SLC9C1: variants seen among roughly 807,000 people sequenced by gnomAD.
SLC9C1 encodes solute carrier family 9 member C1, also known as sodium/hydrogen exchanger 10.
SLC9C1 carries 97 observed loss-of-function variants against 140.9 expected under a neutral mutation model. The ratio of observed to expected loss-of-function variants is 0.69; its 90% CI spans 0.58 to 0.82. The LOEUF (loss-of-function observed/expected upper bound fraction) is 0.82. SLC9C1 is among the 40% of genes least tolerant of loss of function. The pLI is 0.00. For missense variants in SLC9C1, 1,340 were observed against 1,389.3 expected, an observed-to-expected ratio of 0.96 and a Z score of 0.56; for synonymous variants, 440 against 442.6, an observed-to-expected ratio of 0.99 and a Z score of 0.07.
At chr3:112,158,651 G>C (rs2075195932) in intron 26 of SLC9C1, among the ~76,000 whole-genome samples, 1 of 151,768 alleles carries the variant, frequency 6.6e-6, no homozygotes, top group Admixed American at 6.6e-5. Context: ...TTAGATCCTG[G>C]GTTTTCTTTA....
chr3:112,179,658 T>A lies in SLC9C1; in HGVS notation c.2792A>T (p.Glu931Val). The A allele has an allele frequency of 2.5e-6, 4 of 1,611,526 alleles. No individual in the cohort carries two copies. The highest frequency in any genetic ancestry group is 3.4e-6 in the Non-Finnish European group (4 of 1,179,062). The change falls in exon 23 of 29, where the codon GAG becomes GTG. Residue 931 changes from glutamate to valine, a missense_variant. Glu to Val is a moderately radical substitution (Grantham distance 121). Coordinates refer to ENST00000305815, the MANE Select transcript of SLC9C1 (RefSeq NM_183061.3). ...TATCGGAAAATCTTTCTCCTTTGACTCCACCATTTGATCAATCCCTAAACC... is the reference window on the plus strand; with the variant it reads ...TATCGGAAAATCTTTCTCCTTTGACACCACCATTTGATCAATCCCTAAACC... ...KPGLGIDQMV[E>V]SKEKDFPIID...
At chr3:112,200,964 C>T (rs1210636340) in intron 18 of SLC9C1, among the ~76,000 whole-genome samples, 1 of 151,964 alleles carries the variant, frequency 6.6e-6, no homozygotes, top group East Asian at 1.9e-4. Context: ...AGAGGTATAA[C>T]CTAGCCCAAT....
chr3:112,236,285 A>T (rs1238112536), intron 12 of SLC9C1, among the ~76,000 whole-genome samples: 1 of 152,096 alleles, frequency 6.6e-6, no homozygotes, highest in Non-Finnish European at 1.5e-5. Context: ...CTCTGATGGT[A>T]GTTTGTATTT....
At chr3:112,167,569 C>G (rs543067347) in intron 25 of SLC9C1, among the ~76,000 whole-genome samples, 1 of 151,856 alleles carries the variant, frequency 6.6e-6, no homozygotes, top group Non-Finnish European at 1.5e-5. Context: ...TATTTCTATT[C>G]CATATGAAAA....
chr3:112,183,349 C>CTTT lies in SLC9C1; in HGVS notation c.2524-1094_2524-1092dup, dbSNP rs200437815. Among the ~76,000 whole-genome samples, 660 of 95,274 alleles carry CTTT rather than the reference C, an allele frequency of 6.9e-3. 65 individuals are homozygous for CTTT. The highest frequency in any genetic ancestry group is 9.1e-3 in the Non-Finnish European group (460 of 50,656). The allele number at this position is 95,274 out of a possible 152,430, so 62.5% of individuals were successfully genotyped here. ...ACGACAATGATATTTAGCACCTTTT[C>CTTT]TTTTTTTTTTTTTTTTTTTTTCAGC... On this transcript the variant is annotated intron_variant, in intron 20 of 28. Coordinates refer to ENST00000305815, the MANE Select transcript of SLC9C1 (RefSeq NM_183061.3).
intron 10 of SLC9C1, 132 bp from the exon 11 acceptor site, chr3:112,244,208 G>A (rs1413871396): frequency 4.6e-6 from 2 of 437,838 alleles, no homozygotes; most frequent in Non-Finnish European, 8.0e-6. Context: ...AGATGCTCAT[G>A]GCAGGGGAGG....
intron 28 of SLC9C1, 68 bp from the exon 29 acceptor site, chr3:112,141,349 C>A (rs1462626494): frequency 2.6e-6 from 4 of 1,509,542 alleles, no homozygotes; most frequent in African/African-American, 2.9e-5. Flanking sequence ...TGACTTACAA[C>A]CCAGAATAGG....
At chr3:112,239,577 C>A (rs1359182641) in intron 12 of SLC9C1, among the ~76,000 whole-genome samples, 2 of 152,160 alleles carry the variant, frequency 1.3e-5, no homozygotes, top group Non-Finnish European at 1.5e-5. Context: ...GGAGCTGTTC[C>A]TATTTGGCCA....
At chr3:112,200,446 AC>A (rs1324019560) in intron 19 of SLC9C1, among the ~76,000 whole-genome samples, 1 of 152,162 alleles carries the variant, frequency 6.6e-6, no homozygotes, top group African/African-American at 2.4e-5. Context: ...ATAATGACAT[AC>A]ATAATCATAG....
chr3:112,271,393 G>GTGTATATATATATATATA (rs142798462), intron 6 of SLC9C1, among the ~76,000 whole-genome samples: 10 of 125,574 alleles, frequency 8.0e-5, no homozygotes, highest in East Asian at 2.6e-4. Context: ...ATTCTACATT[G>GTGTATATATATATATATA]TATATATATA....
At chr3:112,278,881 C>A in intron 3 of SLC9C1, 24 bp from the exon 4 acceptor site, 1 of 1,566,206 alleles carries the variant, frequency 6.4e-7, no homozygotes, top group Admixed American at 1.9e-5. Flanking sequence ...AATATATCAT[C>A]TTCTCATTTA....
chr3:112,195,075 C>T (rs77919226), intron 20 of SLC9C1, among the ~76,000 whole-genome samples: 2,144 of 152,096 alleles, frequency 0.014, 54 homozygotes, highest in African/African-American at 0.047. Flanking sequence ...TTCTTTGGGT[C>T]GTTTTACTCT....
In SLC9C1 at chr3:112,262,947, C is replaced by A; in HGVS notation, c.1174G>T (p.Gly392Ter). ...LLLAYSDLYF[G>*]SDKEKSQILF... ...ACTTGAGATTTTTCTTTGTCAGATCCAAAATAAAGATCAGAGTAGGCAAGC... is the reference window on the plus strand; with the variant it reads ...ACTTGAGATTTTTCTTTGTCAGATCAAAAATAAAGATCAGAGTAGGCAAGC... The change falls in exon 10 of 29, where the codon GGA (glycine) becomes TGA (stop). Residue 392 changes from glycine (G) to a stop codon, truncating the protein, a stop_gained. Coordinates refer to ENST00000305815, the MANE Select transcript of SLC9C1 (RefSeq NM_183061.3). LOFTEE classifies it high-confidence loss of function. 2 of 1,575,202 alleles carry A rather than the reference C, an allele frequency of 1.3e-6. No homozygotes were observed. The highest frequency in any genetic ancestry group is 1.7e-6 in the Non-Finnish European group (2 of 1,166,882).
At chr3:112,221,279 A>G (rs1277645044) in intron 13 of SLC9C1, 54 bp from the exon 14 acceptor site, 1 of 1,448,522 alleles carries the variant, frequency 6.9e-7, no homozygotes, top group African/African-American at 1.4e-5. Context: ...ATGACAACTT[A>G]TTACAATCTT....
At chr3:112,256,862 A>G (rs755625472) in intron 10 of SLC9C1, among the ~76,000 whole-genome samples, 14 of 152,100 alleles carry the variant, frequency 9.2e-5, no homozygotes, top group Non-Finnish European at 1.3e-4. Flanking sequence ...CTTCAGCAAA[A>G]TTTCAGGATA....
intron 26 of SLC9C1, among the ~76,000 whole-genome samples, chr3:112,157,054 T>C (rs1473036237): frequency 2.6e-5 from 4 of 152,158 alleles, no homozygotes; most frequent in African/African-American, 4.8e-5. Flanking sequence ...ATTTTGGCTT[T>C]GGTTGTCTGT....
At chr3:112,153,618 G>A (rs944333970) in intron 27 of SLC9C1, among the ~76,000 whole-genome samples, 8 of 152,168 alleles carry the variant, frequency 5.3e-5, no homozygotes, top group African/African-American at 1.4e-4. Context: ...AACTGTGTAG[G>A]AATTGCTGGT....
chr3:112,169,474 C>T (rs1387378776), intron 23 of SLC9C1, 146 bp from the exon 24 acceptor site: 1 of 774,798 alleles, frequency 1.3e-6, no homozygotes, highest in Non-Finnish European at 1.9e-6. Flanking sequence ...TAAAATGTGT[C>T]TATCAATGAA....
At chr3:112,153,421 A>G (rs1233374320) in intron 27 of SLC9C1, among the ~76,000 whole-genome samples, 1 of 151,658 alleles carries the variant, frequency 6.6e-6, no homozygotes, top group Non-Finnish European at 1.5e-5. Context: ...TTTTATTTTA[A>G]ATGTCCTCCT....
Sources: allele counts gnomAD v4.1 joint callset (sites outside exome capture counted in the v4.1 genomes callset), GRCh38; gene constraint gnomAD v4.1.1; transcripts MANE v1.5; gene names NCBI Gene and HGNC (gene_info 2026-07-23, HGNC 2026-07-21).